The following CDYL2 variants were observed in gnomAD, a reference collection of about 807,000 sequenced individuals.
CDYL2 encodes the protein chromodomain Y like 2, also known as chromodomain Y-like protein 2.
A neutral mutation model predicts 49.4 loss-of-function variants in CDYL2; 23 were observed. The observed-to-expected ratio is 0.47, with a 90% CI of 0.34 to 0.66. The LOEUF (loss-of-function observed/expected upper bound fraction) is 0.66, where lower values mean the gene tolerates loss of function less well. CDYL2 is among the 30% of genes least tolerant of loss of function. The pLI is 0.01. For synonymous variants in CDYL2, 360 were observed against 268.8 expected (o/e 1.34, Z -3.32); for missense variants, 678 against 656.4 (o/e 1.03, Z -0.36).
chr16:80,632,593 T>C (rs1006909609), intron 3 of CDYL2: 2 of 179,916 alleles, frequency 1.1e-5, no homozygotes, highest in African/African-American at 4.6e-5. Flanking sequence ...CAATTATATA[T>C]ACAATATGTA....
rs539183952 is a variant in CDYL2 at position 80,606,976 on chromosome 16, G to A, written c.1362+1116C>T. The stretch of plus-strand genomic sequence containing the variant: ...TTTTCTTTATAAATTACCCAGTCTC[G>A]GGTATGTCTTTATCAGCAGCGTGAG... On this transcript the variant is annotated intron_variant, in intron 6 of 6. Coordinates refer to ENST00000570137, the MANE Select transcript of CDYL2 (RefSeq NM_152342.4). 5.3e-5 allele frequency among the ~76,000 whole-genome samples: 8 copies of A among 152,238 alleles called. No individual in the cohort carries two copies. The South Asian group carries it at 1.5e-3, about 28-fold the overall frequency.
chr16:80,622,100 A>G (rs960918443), intron 3 of CDYL2, among the ~76,000 whole-genome samples: 29 of 152,204 alleles, frequency 1.9e-4, no homozygotes, highest in African/African-American at 6.3e-4. Context: ...CCTGGCTCAC[A>G]CAATGCCTAG....
chr16:80,715,455 T>G (rs571584402), intron 1 of CDYL2, among the ~76,000 whole-genome samples: 1 of 152,150 alleles, frequency 6.6e-6, no homozygotes. Flanking sequence ...GATTTGCAAT[T>G]TTACCTCCTG....
intron 1 of CDYL2, among the ~76,000 whole-genome samples, chr16:80,720,873 G>T (rs1597098198): frequency 6.6e-6 from 1 of 152,256 alleles, no homozygotes; most frequent in South Asian, 2.1e-4. Context: ...GAGCATGTGT[G>T]GTTGCTGAAA....
chr16:80,649,483 A>G (rs974735446), intron 2 of CDYL2, among the ~76,000 whole-genome samples: 2 of 152,220 alleles, frequency 1.3e-5, no homozygotes, highest in Admixed American at 6.5e-5. Flanking sequence ...AAGAAATTGA[A>G]GAGGACGCCA....
chr16:80,653,400 G>C (rs1265402437), intron 2 of CDYL2, among the ~76,000 whole-genome samples: 1 of 152,272 alleles, frequency 6.6e-6, no homozygotes, highest in Middle Eastern at 3.4e-3. Context: ...AGGAGGTGGA[G>C]GTTGCAGTAA....
At chr16:80,762,765 T>A (rs1906576184) in intron 1 of CDYL2, among the ~76,000 whole-genome samples, 1 of 152,170 alleles carries the variant, frequency 6.6e-6, no homozygotes, top group South Asian at 2.1e-4. Context: ...GCAAGGTGAC[T>A]CTCTGCCTTC....
At chr16:80,648,776 C>T (rs1012129937) in intron 2 of CDYL2, among the ~76,000 whole-genome samples, 52 of 151,832 alleles carry the variant, frequency 3.4e-4, no homozygotes, top group African/African-American at 1.2e-3. Flanking sequence ...AAACTGAATT[C>T]AACAATATGT....
chr16:80,679,225 C>T (rs1001392345), intron 2 of CDYL2, among the ~76,000 whole-genome samples: 4 of 151,592 alleles, frequency 2.6e-5, no homozygotes, highest in Non-Finnish European at 4.4e-5. Flanking sequence ...AACTAACCTG[C>T]ACATTGTACA....
chr16:80,663,333 T>G (rs1438841144), intron 2 of CDYL2, among the ~76,000 whole-genome samples: 4 of 151,756 alleles, frequency 2.6e-5, no homozygotes, highest in Admixed American at 6.6e-5. Flanking sequence ...GTTCTACAGT[T>G]GAGTGGAACC....
chr16:80,661,138 C>G (rs1157224021), intron 2 of CDYL2, among the ~76,000 whole-genome samples: 1 of 152,148 alleles, frequency 6.6e-6, no homozygotes, highest in South Asian at 2.1e-4. Context: ...CATTTCAAAC[C>G]CCAGGTACAG....
chr16:80,791,964 A>G (rs1907624322), intron 1 of CDYL2, among the ~76,000 whole-genome samples: 1 of 152,210 alleles, frequency 6.6e-6, no homozygotes, highest in Non-Finnish European at 1.5e-5. Flanking sequence ...TCCTGAATTA[A>G]AGTGGTGAGA....
intron 1 of CDYL2, among the ~76,000 whole-genome samples, chr16:80,748,293 G>A (rs565750737): frequency 4.7e-5 from 7 of 148,718 alleles, no homozygotes; most frequent in Admixed American, 2.0e-4. Flanking sequence ...TTGGGAGGCC[G>A]AGACAGGCAG....
chr16:80,698,671 A>T (rs935772676), intron 1 of CDYL2, among the ~76,000 whole-genome samples: 2 of 152,026 alleles, frequency 1.3e-5, no homozygotes, highest in African/African-American at 4.8e-5. Flanking sequence ...TGATTGTTTC[A>T]AAGTATGTAG....
intron 1 of CDYL2, among the ~76,000 whole-genome samples, chr16:80,763,154 A>T (rs1247080616): frequency 1.4e-5 from 2 of 146,496 alleles, no homozygotes; most frequent in African/African-American, 5.1e-5. Flanking sequence ...AACCTAACTA[A>T]TCCTGTATTC....
intron 2 of CDYL2, among the ~76,000 whole-genome samples, chr16:80,634,721 T>A (rs1907738862): frequency 6.6e-6 from 1 of 152,130 alleles, no homozygotes; most frequent in African/African-American, 2.4e-5. Context: ...ATAACTTAGA[T>A]GAAATTTCTT....
At chr16:80,632,386 G>A (rs1393926822) in intron 3 of CDYL2, among the ~76,000 whole-genome samples, 1 of 152,100 alleles carries the variant, frequency 6.6e-6, no homozygotes, top group Non-Finnish European at 1.5e-5. Flanking sequence ...ACAGAAAGTA[G>A]ATGAGTGGTT....
intron 1 of CDYL2, among the ~76,000 whole-genome samples, chr16:80,733,598 A>T (rs1216127660): frequency 6.6e-6 from 1 of 152,172 alleles, no homozygotes; most frequent in Non-Finnish European, 1.5e-5. Context: ...CCTGAGCAAG[A>T]GGAAATGAAG....
intron 2 of CDYL2, among the ~76,000 whole-genome samples, 199 bp from the exon 3 acceptor site, chr16:80,633,435 G>A (rs899093883): frequency 1.3e-5 from 2 of 152,166 alleles, no homozygotes; most frequent in African/African-American, 4.8e-5. Flanking sequence ...AAATTCAGAA[G>A]GGGACCTAGA....
Sources: allele counts gnomAD v4.1 joint callset (sites outside exome capture counted in the v4.1 genomes callset), GRCh38; gene constraint gnomAD v4.1.1; transcripts MANE v1.5; gene names NCBI Gene and HGNC (gene_info 2026-07-23, HGNC 2026-07-21).